CAPSL: variants seen among roughly 807,000 people sequenced by gnomAD.
CAPSL encodes calcyphosine like, also known as calcyphosin-like protein.
A neutral mutation model predicts 21.3 loss-of-function variants in CAPSL; 17 were observed. That is an observed-to-expected ratio of 0.80 (90% CI 0.55 to 1.20). CAPSL has a LOEUF of 1.20. Ranked by LOEUF, CAPSL falls within the 50% of genes most tolerant of loss-of-function variation. The pLI, the probability that CAPSL is intolerant of heterozygous loss-of-function variation, is 0.00. For synonymous variants in CAPSL, 102 were observed against 89.3 expected, an observed-to-expected ratio of 1.14 and a Z score of -0.80; for missense variants, 289 against 259.3, an observed-to-expected ratio of 1.11 and a Z score of -0.79.
chr5:35,921,186 G>A, intron 1 of CAPSL, 66 bp from the exon 2 acceptor site: 1 of 1,548,698 alleles, frequency 6.5e-7, no homozygotes, highest in African/African-American at 1.4e-5. Context: ...TGGGCAGAGT[G>A]ACAGAAGCCT....
At chr5:35,932,190 G>A (rs113018608) in intron 1 of CAPSL, among the ~76,000 whole-genome samples, 19 of 152,164 alleles carry the variant, frequency 1.2e-4, no homozygotes, top group African/African-American at 4.3e-4. Context: ...CAACATCAGC[G>A]TAAATCAGTG....
chr5:35,910,087 G>T lies in CAPSL; in HGVS notation c.316-12C>A. On this transcript the variant is annotated splice_polypyrimidine_tract_variant and intron_variant, in intron 3 of 4. Coordinates refer to ENST00000651391, the MANE Select transcript of CAPSL (RefSeq NM_001042625.2). ...CTGGACATTGGAGGCTACAAAAATA[G>T]AAGAATACATACAGAGACATACATA... 6.3e-7 allele frequency: 1 copy of T among 1,588,906 alleles called. No homozygotes were observed. Among genetic ancestry groups the T allele is most frequent in the African/African-American group, 1.4e-5 (1 of 73,928 alleles).
At chr5:35,932,160 G>A (rs2149933625) in intron 1 of CAPSL, among the ~76,000 whole-genome samples, 1 of 152,220 alleles carries the variant, frequency 6.6e-6, no homozygotes, top group Middle Eastern at 3.4e-3. Flanking sequence ...TTAAGGGATA[G>A]AAATCCAATG....
At chr5:35,913,428 A>G (rs945641949) in intron 2 of CAPSL, among the ~76,000 whole-genome samples, 1 of 152,164 alleles carries the variant, frequency 6.6e-6, no homozygotes, top group South Asian at 2.1e-4. Context: ...AAGTGGAAAT[A>G]AGGAAAAAAT....
intron 1 of CAPSL, among the ~76,000 whole-genome samples, chr5:35,927,748 G>A (rs566882680): frequency 6.6e-6 from 1 of 152,270 alleles, no homozygotes; most frequent in African/African-American, 2.4e-5. Flanking sequence ...ATCCAGGTAT[G>A]AGAAGAGATA....
Position 35,904,311 on chromosome 5 carries a change from T to C in CAPSL, c.*234A>G, listed in dbSNP as rs999995767. On this transcript the variant is annotated 3_prime_UTR_variant, in exon 5 of 5. Transcript: ENST00000651391. ...ACTAGGAGCTTTACAGAGCTCATTT[T>C]ATTTAAGTCCTATTTTAGAACAAAG... 1.8e-6 allele frequency: 1 copy of C among 552,274 alleles called. No individual in the cohort carries two copies. Among genetic ancestry groups the C allele is most frequent in the African/African-American group, 1.9e-5 (1 of 52,468 alleles). The allele number at this position is 552,274 out of a possible 1,614,324, so 34.2% of individuals were successfully genotyped here.
At chr5:35,928,702 G>T (rs1416101820) in intron 1 of CAPSL, among the ~76,000 whole-genome samples, 6 of 152,150 alleles carry the variant, frequency 3.9e-5, no homozygotes, top group Non-Finnish European at 8.8e-5. Context: ...AGTGTTATTG[G>T]CATCTAATGG....
chr5:35,926,424 A>G (rs543511799), intron 1 of CAPSL, among the ~76,000 whole-genome samples: 1 of 152,068 alleles, frequency 6.6e-6, no homozygotes, highest in African/African-American at 2.4e-5. Flanking sequence ...AGGCTGTCTC[A>G]TTCCACTGTC....
chr5:35,905,532 G>A (rs1760654985), intron 4 of CAPSL, among the ~76,000 whole-genome samples: 1 of 152,142 alleles, frequency 6.6e-6, no homozygotes, highest in Non-Finnish European at 1.5e-5. Context: ...ACATAAGGAA[G>A]GGCAGTAGAA....
chr5:35,923,353 G>C (rs1029278019), intron 1 of CAPSL, among the ~76,000 whole-genome samples: 17 of 152,190 alleles, frequency 1.1e-4, no homozygotes, highest in African/African-American at 3.1e-4. Flanking sequence ...AAAGGCATCA[G>C]TGGTGCCCCC....
At chr5:35,916,162 T>A (rs1179229728) in intron 2 of CAPSL, among the ~76,000 whole-genome samples, 1 of 151,912 alleles carries the variant, frequency 6.6e-6, no homozygotes, top group Non-Finnish European at 1.5e-5. Flanking sequence ...ACAAGGGATG[T>A]GAAGGACCTC....
At chr5:35,921,751 G>A (rs1482604040) in intron 1 of CAPSL, among the ~76,000 whole-genome samples, 1 of 152,128 alleles carries the variant, frequency 6.6e-6, no homozygotes, top group African/African-American at 2.4e-5. Context: ...ACAGTGGGAA[G>A]AGCACTTAGC....
chr5:35,909,436 C>A (rs1037467850), intron 4 of CAPSL, among the ~76,000 whole-genome samples: 1 of 152,154 alleles, frequency 6.6e-6, no homozygotes, highest in African/African-American at 2.4e-5. Flanking sequence ...TCCTGAAAGG[C>A]CTTGTAAATC....
intron 1 of CAPSL, among the ~76,000 whole-genome samples, chr5:35,934,537 A>G (rs1179284873): frequency 6.6e-6 from 1 of 152,188 alleles, no homozygotes; most frequent in Non-Finnish European, 1.5e-5. Context: ...CACCACTGGG[A>G]GGCATCAGTA....
intron 1 of CAPSL, among the ~76,000 whole-genome samples, chr5:35,922,267 G>C (rs1455316956): frequency 6.6e-6 from 1 of 152,112 alleles, no homozygotes; most frequent in Non-Finnish European, 1.5e-5. Context: ...GTCTCCCATA[G>C]AGGGTACTCC....
At chr5:35,913,728 C>A (rs1445156034) in intron 2 of CAPSL, among the ~76,000 whole-genome samples, 1 of 152,176 alleles carries the variant, frequency 6.6e-6, no homozygotes, top group Non-Finnish European at 1.5e-5. Context: ...TGGAAAGGAA[C>A]AACCGGTACC....
chr5:35,929,477 G>C (rs1738767553), intron 1 of CAPSL, among the ~76,000 whole-genome samples: 1 of 151,978 alleles, frequency 6.6e-6, no homozygotes, highest in South Asian at 2.1e-4. Flanking sequence ...ATTTTTAGTA[G>C]AGATGGGGTT....
At chr5:35,909,841 C>T in intron 4 of CAPSL, 25 bp downstream of exon 4, 1 of 1,572,742 alleles carries the variant, frequency 6.4e-7, no homozygotes, top group East Asian at 2.2e-5. Context: ...AAGAAATTTC[C>T]CCTAGATTAG....
chr5:35,919,192 A>T (rs3993999), intron 2 of CAPSL, among the ~76,000 whole-genome samples: 15,258 of 107,194 alleles, frequency 0.14, 1,603 homozygotes, highest in African/African-American at 0.31. Flanking sequence ...TATATATATA[A>T]AAATTGTGAA....
Sources: allele counts gnomAD v4.1 joint callset (sites outside exome capture counted in the v4.1 genomes callset), GRCh38; gene constraint gnomAD v4.1.1; transcripts MANE v1.5; gene names NCBI Gene and HGNC (gene_info 2026-07-23, HGNC 2026-07-21).